The following FOXP2 variants were observed in gnomAD, a reference collection of about 807,000 sequenced individuals.
FOXP2 encodes the protein forkhead box protein P2.
In FOXP2, 12 loss-of-function variants were observed where a neutral mutation model predicts 115.8. The observed-to-expected ratio is 0.10, with a 90% confidence interval of 0.07 to 0.17. The LOEUF (loss-of-function observed/expected upper bound fraction) is 0.17. Ranked by LOEUF, FOXP2 falls within the 10% of genes least tolerant of loss-of-function variation. The pLI is 1.00. For synonymous variants in FOXP2, 328 were observed against 297.7 expected, an observed-to-expected ratio of 1.10 and a Z score of -1.05; for missense variants, 629 against 843.5, an observed-to-expected ratio of 0.75 and a Z score of 3.15.
At chr7:114,311,726 G>A (rs1797150720) in intron 2 of FOXP2, among the ~76,000 whole-genome samples, 1 of 152,116 alleles carries the variant, frequency 6.6e-6, no homozygotes, top group African/African-American at 2.4e-5. Flanking sequence ...AGTTTACAGG[G>A]ACAGTAGGAG....
At chr7:114,428,397 T>G (rs1371349556) in intron 2 of FOXP2, among the ~76,000 whole-genome samples, 2 of 151,498 alleles carry the variant, frequency 1.3e-5, no homozygotes, top group Non-Finnish European at 3.0e-5. Flanking sequence ...GAGTTTGAAG[T>G]TTACTTTGTT....
chr7:114,158,230 C>T (rs577228070), upstream of FOXP2, among the ~76,000 whole-genome samples: 22 of 152,168 alleles, frequency 1.4e-4, no homozygotes, highest in Admixed American at 1.1e-3. Context: ...TCAAACCAGA[C>T]TTTTATTTGG....
intron 3 of FOXP2, among the ~76,000 whole-genome samples, chr7:114,551,133 CA>C (rs1800186385): frequency 6.6e-6 from 1 of 152,140 alleles, no homozygotes; most frequent in Non-Finnish European, 1.5e-5. Context: ...GGAAAAACCA[CA>C]AACTACACAC....
intron 1 of FOXP2, among the ~76,000 whole-genome samples, chr7:114,209,475 C>T (rs1477939216): frequency 2.6e-5 from 4 of 152,056 alleles, no homozygotes; most frequent in Non-Finnish European, 1.5e-5. Flanking sequence ...AATATTGGCC[C>T]CTAATGTCTG....
At chr7:114,402,201 G>C (rs1187413304) in intron 2 of FOXP2, among the ~76,000 whole-genome samples, 1 of 151,434 alleles carries the variant, frequency 6.6e-6, no homozygotes. Flanking sequence ...AGAGATGAAG[G>C]CCCTCTCTAT....
chr7:114,328,182 G>A (rs1237101956), intron 2 of FOXP2, among the ~76,000 whole-genome samples: 24 of 150,640 alleles, frequency 1.6e-4, no homozygotes, highest in Non-Finnish European at 4.4e-5. Flanking sequence ...GCCTCCCAAA[G>A]TGCTGAGATT....
chr7:114,473,134 G>T (rs2129231735), intron 2 of FOXP2, among the ~76,000 whole-genome samples: 1 of 152,260 alleles, frequency 6.6e-6, no homozygotes, highest in African/African-American at 2.4e-5. Context: ...GACAGGATTT[G>T]ACATGTATTC....
chr7:114,128,890 T>C (rs1348045472), intron 1 of FOXP2, among the ~76,000 whole-genome samples: 1 of 152,198 alleles, frequency 6.6e-6, no homozygotes, highest in Non-Finnish European at 1.5e-5. Flanking sequence ...TCTAGTATTC[T>C]GAAATGACTT....
intron 3 of FOXP2, among the ~76,000 whole-genome samples, chr7:114,579,485 G>C (rs904130261): frequency 3.7e-4 from 56 of 152,112 alleles, no homozygotes; most frequent in African/African-American, 1.2e-3. Context: ...TGCTGTGACT[G>C]TCGCCCACCC....
chr7:114,380,787 G>A (rs1388764380), intron 2 of FOXP2, among the ~76,000 whole-genome samples: 2 of 152,220 alleles, frequency 1.3e-5, no homozygotes, highest in Admixed American at 6.5e-5. Context: ...AACTGCTTCA[G>A]ATACTAAGAC....
At chr7:114,570,658 G>T in intron 3 of FOXP2, 1 of 671,776 alleles carries the variant, frequency 1.5e-6, no homozygotes, top group Non-Finnish European at 2.7e-6. Flanking sequence ...CTGGTTAACT[G>T]TGAGACAATG....
chr7:114,526,226 C>A (rs1372906331), intron 2 of FOXP2, among the ~76,000 whole-genome samples: 4 of 140,208 alleles, frequency 2.9e-5, no homozygotes, highest in African/African-American at 8.0e-5. Flanking sequence ...CGCCTCTAAT[C>A]CCAGAACTTT....
intron 3 of FOXP2, among the ~76,000 whole-genome samples, chr7:114,623,467 C>A (rs1037249773): frequency 6.6e-6 from 1 of 151,890 alleles, no homozygotes; most frequent in African/African-American, 2.4e-5. Flanking sequence ...ATGTCAAGGC[C>A]TAAACCAAAG....
At chr7:114,270,693 G>T (rs963763268) in intron 1 of FOXP2, among the ~76,000 whole-genome samples, 2 of 151,988 alleles carry the variant, frequency 1.3e-5, no homozygotes, top group Non-Finnish European at 2.9e-5. Flanking sequence ...AGAATTCTTT[G>T]TGTATTTTTG....
intron 6 of FOXP2, among the ~76,000 whole-genome samples, chr7:114,635,695 T>C (rs1374953711): frequency 6.6e-6 from 1 of 152,190 alleles, no homozygotes; most frequent in African/African-American, 2.4e-5. Context: ...TGAACTAGAA[T>C]GTATAACATT....
chr7:114,181,773 A>G (rs1793463472), intron 1 of FOXP2, among the ~76,000 whole-genome samples: 1 of 152,158 alleles, frequency 6.6e-6, no homozygotes, highest in South Asian at 2.1e-4. Flanking sequence ...TGACCTAATT[A>G]GTAAAAAGGT....
intron 2 of FOXP2, among the ~76,000 whole-genome samples, chr7:114,363,014 T>A (rs1237807506): frequency 6.6e-6 from 1 of 151,994 alleles, no homozygotes; most frequent in African/African-American, 2.4e-5. Context: ...AAACAGGAGA[T>A]GTGACTATCT....
intron 1 of FOXP2, among the ~76,000 whole-genome samples, chr7:114,264,885 A>G (rs946945210): frequency 3.3e-5 from 5 of 152,088 alleles, no homozygotes; most frequent in Admixed American, 2.6e-4. Flanking sequence ...ACATACTTTT[A>G]AATGACCAGA....
intron 16 of FOXP2, among the ~76,000 whole-genome samples, chr7:114,682,082 C>A (rs1239719604): frequency 6.6e-6 from 1 of 152,056 alleles, no homozygotes; most frequent in Non-Finnish European, 1.5e-5. Flanking sequence ...AATAATTTAA[C>A]CCTTATAACG....
Sources: allele counts gnomAD v4.1 joint callset (sites outside exome capture counted in the v4.1 genomes callset), GRCh38; gene constraint gnomAD v4.1.1; transcripts MANE v1.5; gene names NCBI Gene and HGNC (gene_info 2026-07-23, HGNC 2026-07-21).